The following ANXA4 variants were observed in gnomAD, a reference collection of about 807,000 sequenced individuals.
ANXA4 encodes the protein annexin A4, also known as 35-beta calcimedin.
Under a neutral mutation model 49.8 loss-of-function variants are expected in ANXA4, and 39 were observed. The observed-to-expected ratio is 0.78, with a 90% CI of 0.61 to 1.02. ANXA4 has a LOEUF of 1.02. ANXA4 is among the 50% of genes least tolerant of loss of function. The probability of loss-of-function intolerance (pLI) is 0.00; values close to 1 mark genes in which losing one functional copy is unlikely to be tolerated. For synonymous variants in ANXA4, 134 were observed against 152.5 expected, an observed-to-expected ratio of 0.88 and a Z score of 0.89; for missense variants, 360 against 410.1, an observed-to-expected ratio of 0.88 and a Z score of 1.05.
intron 3 of ANXA4, among the ~76,000 whole-genome samples, chr2:69,732,301 T>C (rs1450753927): frequency 1.3e-5 from 2 of 151,500 alleles, no homozygotes; most frequent in African/African-American, 4.9e-5. Flanking sequence ...CTGTAGAATA[T>C]TAGATTTTAC....
chr2:69,786,109 T>C (rs898056754), intron 2 of ANXA4, among the ~76,000 whole-genome samples: 3 of 152,144 alleles, frequency 2.0e-5, no homozygotes, highest in African/African-American at 7.2e-5. Flanking sequence ...AACTTAACAT[T>C]TCCAACATAG....
intron 2 of ANXA4, among the ~76,000 whole-genome samples, chr2:69,715,584 T>C (rs1206214505): frequency 6.6e-6 from 1 of 152,232 alleles, no homozygotes; most frequent in Non-Finnish European, 1.5e-5. Flanking sequence ...TCCCAGATAA[T>C]TTGCCTAGGT....
At chr2:69,644,290 G>C (rs527520954), upstream of ANXA4, 1 of 152,010 alleles carries the variant, frequency 6.6e-6, no homozygotes, top group Non-Finnish European at 1.5e-5. Context: ...ACACCTGAAG[G>C]ACGCGGCTTA....
Position 69,653,471 on chromosome 2 carries a change from G to A in ANXA4, n.766+189G>A, listed in dbSNP as rs1214776103. Reference sequence around the variant, plus strand: ...ATCCTTAGATTTCACTAGCAGTAGAGTCCTGGGGACACAGGAACCAAATGC... The same window carrying A: ...ATCCTTAGATTTCACTAGCAGTAGAATCCTGGGGACACAGGAACCAAATGC... On this transcript the variant is annotated intron_variant and non_coding_transcript_variant, in intron 2 of 3. Transcript: ENST00000418066. Among the ~76,000 whole-genome samples, 3 of 152,200 alleles carry A rather than the reference G, an allele frequency of 2.0e-5. No individual in the cohort carries two copies. In the South Asian group the frequency reaches 6.2e-4, roughly 31 times the overall value.
chr2:69,733,753 G>T (rs1223719463), intron 3 of ANXA4, among the ~76,000 whole-genome samples: 1 of 152,060 alleles, frequency 6.6e-6, no homozygotes, highest in East Asian at 1.9e-4. Flanking sequence ...ATCTATGAAA[G>T]ACAAAGCAGA....
At chr2:69,760,636 C>T (rs1671244706) in intron 1 of ANXA4, among the ~76,000 whole-genome samples, 1 of 152,054 alleles carries the variant, frequency 6.6e-6, no homozygotes, top group Admixed American at 6.6e-5. Context: ...TGTTTTCTAG[C>T]ATTTTGACAT....
intron 1 of ANXA4, among the ~76,000 whole-genome samples, chr2:69,762,108 A>G (rs1488236433): frequency 6.6e-6 from 1 of 152,214 alleles, no homozygotes; most frequent in Non-Finnish European, 1.5e-5. Flanking sequence ...CAAAATTTAA[A>G]TATAATTAAA....
At chr2:69,764,704 AT>A (rs1671431441) in intron 1 of ANXA4, among the ~76,000 whole-genome samples, 1 of 152,178 alleles carries the variant, frequency 6.6e-6, no homozygotes, top group Non-Finnish European at 1.5e-5. Flanking sequence ...TACACATGAA[AT>A]TTTACCATCT....
At chr2:69,821,399 G>A (rs772335640) in intron 12 of ANXA4, among the ~76,000 whole-genome samples, 3 of 152,148 alleles carry the variant, frequency 2.0e-5, no homozygotes, top group Non-Finnish European at 4.4e-5. Context: ...TCAAATCAGC[G>A]TTCGATCTGT....
chr2:69,787,548 T>C (rs1335511924), intron 2 of ANXA4, among the ~76,000 whole-genome samples: 2 of 152,242 alleles, frequency 1.3e-5, no homozygotes, highest in Non-Finnish European at 2.9e-5. Context: ...TTGATATTTT[T>C]CCCTTTTGGG....
At chr2:69,662,908 A>G (rs1464769812) in intron 2 of ANXA4, among the ~76,000 whole-genome samples, 1 of 152,174 alleles carries the variant, frequency 6.6e-6, no homozygotes, top group African/African-American at 2.4e-5. Context: ...AGTATGTCCT[A>G]AATACTGCAT....
At chr2:69,665,233 C>T (rs1676891104) in intron 2 of ANXA4, among the ~76,000 whole-genome samples, 1 of 152,128 alleles carries the variant, frequency 6.6e-6, no homozygotes, top group Non-Finnish European at 1.5e-5. Flanking sequence ...ATGAAACCAC[C>T]GTGCGGCAGA....
chr2:69,793,597 C>T (rs950907267), intron 3 of ANXA4, among the ~76,000 whole-genome samples: 7 of 152,104 alleles, frequency 4.6e-5, no homozygotes, highest in Non-Finnish European at 8.8e-5. Context: ...GGATTATTGG[C>T]CTCTGAGTGA....
At chr2:69,813,756 C>CTTT (rs1412147291) in intron 8 of ANXA4, among the ~76,000 whole-genome samples, 2 of 84,658 alleles carry the variant, frequency 2.4e-5, no homozygotes, top group African/African-American at 3.7e-5. Flanking sequence ...CTCTCTCTCT[C>CTTT]TCTTTTTTTT....
intron 3 of ANXA4, among the ~76,000 whole-genome samples, chr2:69,728,381 A>C (rs1670015799): frequency 6.6e-6 from 1 of 152,162 alleles, no homozygotes; most frequent in Non-Finnish European, 1.5e-5. Context: ...TCTTAAGTTT[A>C]ATATAACTGA....
intron 3 of ANXA4, among the ~76,000 whole-genome samples, chr2:69,736,098 C>G (rs1214301207): frequency 6.6e-6 from 1 of 152,164 alleles, no homozygotes. Flanking sequence ...ATGACCAGGT[C>G]TCCTTTTAAG....
chr2:69,662,048 T>C (rs978244364), intron 2 of ANXA4, among the ~76,000 whole-genome samples: 1 of 152,244 alleles, frequency 6.6e-6, no homozygotes, highest in African/African-American at 2.4e-5. Flanking sequence ...TCTCATGATT[T>C]TGTGGGTCTG....
chr2:69,742,490 C>T (rs1162689813), intron 1 of ANXA4, among the ~76,000 whole-genome samples: 1 of 152,230 alleles, frequency 6.6e-6, no homozygotes, highest in African/African-American at 2.4e-5. Context: ...ATGTGCTAGG[C>T]TTTGCATCAA....
intron 2 of ANXA4, among the ~76,000 whole-genome samples, chr2:69,675,272 C>A (rs944605543): frequency 6.6e-6 from 1 of 152,186 alleles, no homozygotes; most frequent in Non-Finnish European, 1.5e-5. Context: ...AAGATACTCT[C>A]TTTACATAGT....
Sources: gnomAD v4.1 joint callset for allele counts (sites outside exome capture counted in the v4.1 genomes callset) on GRCh38, gnomAD v4.1.1 for gene constraint, MANE v1.5 for transcripts, NCBI Gene and HGNC (gene_info 2026-07-23, HGNC 2026-07-21) for gene names.